RPSA2: variants seen among roughly 807,000 people sequenced by gnomAD.
The protein encoded by RPSA2 is ribosomal protein SA 2.
At chr19:23,766,252 G>A in the RPSA2 span, among the ~76,000 whole-genome samples, 145,554 of 148,744 alleles carry the variant, frequency 0.98, 71,297 homozygotes, top group Middle Eastern at 1. Context: ...TCCCAGGTTC[G>A]AGTGATTCTC....
chr19:23,869,368 G>A, the RPSA2 span, among the ~76,000 whole-genome samples: 2 of 151,948 alleles, frequency 1.3e-5, no homozygotes, highest in African/African-American at 4.8e-5. Flanking sequence ...AATAGTTCTT[G>A]GTTCTATTTA....
chr19:23,761,920 CT>C, the RPSA2 span, among the ~76,000 whole-genome samples: 3 of 32,458 alleles, frequency 9.2e-5, no homozygotes, highest in East Asian at 1.5e-3. Context: ...TTCTTTCTTT[CT>C]TTTTTTTTTT....
the RPSA2 span, among the ~76,000 whole-genome samples, chr19:23,798,472 A>G: frequency 6.6e-6 from 1 of 152,276 alleles, no homozygotes; most frequent in Non-Finnish European, 1.5e-5. Flanking sequence ...TATACATTTA[A>G]TAGTATTTTC....
At chr19:23,828,350 AGTTT>A in the RPSA2 span, among the ~76,000 whole-genome samples, 6,277 of 139,524 alleles carry the variant, frequency 0.045, 242 homozygotes, top group South Asian at 0.075. Context: ...ATTGTTGGGT[AGTTT>A]GTTTTTCTTT....
the RPSA2 span, among the ~76,000 whole-genome samples, chr19:23,845,795 C>T: frequency 6.6e-6 from 1 of 152,152 alleles, no homozygotes; most frequent in Admixed American, 6.5e-5. Context: ...TCTGGCTGGC[C>T]ATCCTAATTA....
the RPSA2 span, among the ~76,000 whole-genome samples, chr19:23,861,455 A>T: frequency 3.3e-5 from 5 of 152,202 alleles, no homozygotes; most frequent in Admixed American, 1.3e-4. Flanking sequence ...CACTTCTAGC[A>T]TATCTCCCCC....
At chr19:23,817,081 T>G in the RPSA2 span, among the ~76,000 whole-genome samples, 1 of 152,262 alleles carries the variant, frequency 6.6e-6, no homozygotes, top group Non-Finnish European at 1.5e-5. Flanking sequence ...CAGTTTGTTA[T>G]TAACATTAAA....
the RPSA2 span, among the ~76,000 whole-genome samples, chr19:23,837,038 TG>T: frequency 2.0e-5 from 3 of 152,204 alleles, no homozygotes; most frequent in East Asian, 1.9e-4. Flanking sequence ...TTTAGGTTTT[TG>T]GTCATGAAAT....
At chr19:23,782,451 G>A in the RPSA2 span, 2 of 152,068 alleles carry the variant, frequency 1.3e-5, no homozygotes, top group Non-Finnish European at 2.9e-5. Flanking sequence ...AGGGAGCATT[G>A]TGACATATTT....
At chr19:23,777,653 T>C in the RPSA2 span, among the ~76,000 whole-genome samples, 1 of 152,054 alleles carries the variant, frequency 6.6e-6, no homozygotes, top group African/African-American at 2.4e-5. Flanking sequence ...TCTGCCTGCA[T>C]TCTTCCCACA....
chr19:23,818,446 C>T, the RPSA2 span: 2 of 152,510 alleles, frequency 1.3e-5, no homozygotes, highest in South Asian at 4.1e-4. Flanking sequence ...CCGTTGTCAT[C>T]GATTTTTAGA....
At chr19:23,832,480 A>T in the RPSA2 span, 40 of 495,298 alleles carry the variant, frequency 8.1e-5, no homozygotes, top group African/African-American at 6.4e-4. Flanking sequence ...CAACAAATCT[A>T]TGTGGCAAAC....
chr19:23,862,876 C>A, the RPSA2 span, among the ~76,000 whole-genome samples: 2 of 150,646 alleles, frequency 1.3e-5, no homozygotes, highest in Admixed American at 6.6e-5. Flanking sequence ...ACATCTACAT[C>A]TCTTTTTCTT....
the RPSA2 span, among the ~76,000 whole-genome samples, chr19:23,821,094 C>T: frequency 1.3e-5 from 2 of 152,188 alleles, no homozygotes; most frequent in Non-Finnish European, 2.9e-5. Flanking sequence ...AGGATTTTTA[C>T]ATAGAAGCCC....
chr19:23,795,025 T>C, the RPSA2 span, among the ~76,000 whole-genome samples: 1 of 152,148 alleles, frequency 6.6e-6, no homozygotes, highest in African/African-American at 2.4e-5. Context: ...TTCTGTTGCA[T>C]TGGTCTATGA....
At chr19:23,794,359 C>A in the RPSA2 span, among the ~76,000 whole-genome samples, 1 of 152,154 alleles carries the variant, frequency 6.6e-6, no homozygotes, top group Admixed American at 6.5e-5. Flanking sequence ...ACCCTGACAG[C>A]ATCTATTTTT....
the RPSA2 span, chr19:23,827,800 A>T: frequency 4.0e-5 from 63 of 1,582,344 alleles, no homozygotes; most frequent in Non-Finnish European, 5.2e-5. Context: ...TTGAAAAAGA[A>T]GAGCAGGCTG....
the RPSA2 span, chr19:23,798,949 CAG>C: frequency 6.6e-6 from 1 of 152,096 alleles, no homozygotes; most frequent in Non-Finnish European, 1.5e-5. Flanking sequence ...TGGAAGTTGT[CAG>C]ATATATTTGA....
At chr19:23,810,221 G>A in the RPSA2 span, among the ~76,000 whole-genome samples, 3 of 151,810 alleles carry the variant, frequency 2.0e-5, no homozygotes, top group Non-Finnish European at 4.4e-5. Flanking sequence ...GTGAAACCCC[G>A]TCTCTACTAA....
Sources: allele counts gnomAD v4.1 joint callset (sites outside exome capture counted in the v4.1 genomes callset), GRCh38; gene constraint gnomAD v4.1.1; transcripts MANE v1.5; gene names NCBI Gene and HGNC (gene_info 2026-07-23, HGNC 2026-07-21).